The following CFAP299 variants were observed in gnomAD, a reference collection of about 807,000 sequenced individuals.
The protein encoded by CFAP299 is cilia and flagella associated protein 299.
CFAP299 carries 21 observed loss-of-function variants against 27.0 expected under a neutral mutation model. The observed-to-expected ratio is 0.78, with a 90% CI of 0.55 to 1.12. The LOEUF (loss-of-function observed/expected upper bound fraction) is 1.12. Ranked by LOEUF, CFAP299 falls within the 50% of genes most tolerant of loss-of-function variation. The pLI is 0.00. For missense variants in CFAP299, 310 were observed against 276.6 expected (o/e 1.12, Z -0.86); for synonymous variants, 104 against 98.1 (o/e 1.06, Z -0.36).
intron 3 of CFAP299, among the ~76,000 whole-genome samples, chr4:80,824,886 A>C (rs1249660080): frequency 6.6e-6 from 1 of 152,094 alleles, no homozygotes; most frequent in Non-Finnish European, 1.5e-5. Flanking sequence ...CAAAGAAACA[A>C]AGTATAGCCC....
chr4:80,603,202 G>A (rs951077401), intron 3 of CFAP299, among the ~76,000 whole-genome samples: 5 of 152,006 alleles, frequency 3.3e-5, no homozygotes, highest in Non-Finnish European at 7.4e-5. Context: ...AACTATGTTA[G>A]CATATTTTAC....
At chr4:80,921,692 T>G (rs192490448) in intron 4 of CFAP299, among the ~76,000 whole-genome samples, 1 of 152,108 alleles carries the variant, frequency 6.6e-6, no homozygotes, top group East Asian at 1.9e-4. Context: ...TCTGGTTAAA[T>G]CTGTGTGTGC....
chr4:80,646,176 A>G (rs1740001091), intron 3 of CFAP299, among the ~76,000 whole-genome samples: 1 of 152,136 alleles, frequency 6.6e-6, no homozygotes, highest in Non-Finnish European at 1.5e-5. Context: ...TCTTGCTCTG[A>G]GCTGGTGCAA....
rs140532981 is a variant in CFAP299, at chr4:80,348,508, A to G, written c.111+12629A>G. ...AAACACTTCTCAATAGTAGACATTC[A>G]TGCAGCCAACAAACATATAAAAAAA... On this transcript the variant is annotated intron_variant, in intron 1 of 5. Transcript: ENST00000358105. Among the ~76,000 whole-genome samples the G allele has an allele frequency of 3.1e-3, 478 of 152,354 alleles. 4 individuals are homozygous for G. The highest frequency in any genetic ancestry group is 0.011 in the African/African-American group (460 of 41,580).
rs1237522652 is a variant in CFAP299 at position 80,963,580 on chromosome 4, A to G, written c.670A>G (p.Ile224Val). Residue 224 changes from isoleucine to valine, a missense_variant, in exon 6 of 6, where the codon ATT (isoleucine) becomes GTT (valine). Physicochemically the swap from Ile to Val is conservative, Grantham distance 29. Coordinates refer to ENST00000358105, the MANE Select transcript of CFAP299 (RefSeq NM_152770.3). ...GACAGAACTCTACGTACAAGCTGTCATTTTTGACCACATTTCCAGAAGGAA... is the reference window on the plus strand; with the variant it reads ...GACAGAACTCTACGTACAAGCTGTCGTTTTTGACCACATTTCCAGAAGGAA... ...ILTELYVQAV[I>V]FDHISRRKT The G allele has an allele frequency of 6.2e-7, 1 of 1,607,216 alleles. No individual in the cohort carries two copies. The highest frequency in any genetic ancestry group is 1.1e-5 in the South Asian group (1 of 90,116).
chr4:80,628,955 A>G (rs149474169), intron 3 of CFAP299, among the ~76,000 whole-genome samples: 4 of 152,328 alleles, frequency 2.6e-5, no homozygotes, highest in East Asian at 1.9e-4. Context: ...TAATCCAGCA[A>G]TCCCACTACT....
intron 3 of CFAP299, among the ~76,000 whole-genome samples, chr4:80,748,485 G>A (rs13126970): frequency 0.37 from 56,754 of 151,894 alleles, 13,967 homozygotes; most frequent in African/African-American, 0.7. Flanking sequence ...TTTCCTAGAT[G>A]AACATCTATT....
intron 2 of CFAP299, among the ~76,000 whole-genome samples, chr4:80,487,494 G>A (rs900179236): frequency 6.6e-6 from 1 of 152,164 alleles, no homozygotes; most frequent in Non-Finnish European, 1.5e-5. Flanking sequence ...GAAAGGGATG[G>A]CTGCCCATTC....
intron 2 of CFAP299, among the ~76,000 whole-genome samples, chr4:80,479,990 GT>G (rs540198124): frequency 3.9e-5 from 6 of 151,916 alleles, no homozygotes; most frequent in Non-Finnish European, 7.4e-5. Context: ...TTGTATTCAA[GT>G]TTTTTTTAAA....
intron 3 of CFAP299, among the ~76,000 whole-genome samples, chr4:80,599,799 A>G (rs759431133): frequency 7.9e-5 from 12 of 152,124 alleles, no homozygotes; most frequent in Non-Finnish European, 1.3e-4. Context: ...GTAAGGGATC[A>G]TTTATTTTTG....
intron 3 of CFAP299, among the ~76,000 whole-genome samples, chr4:80,762,784 C>T (rs1368979153): frequency 1.3e-5 from 2 of 152,170 alleles, no homozygotes; most frequent in East Asian, 1.9e-4. Flanking sequence ...CACTATTTTC[C>T]CAGGGCAGCC....
chr4:80,936,302 G>A (rs1206735453), intron 4 of CFAP299, among the ~76,000 whole-genome samples: 1 of 151,860 alleles, frequency 6.6e-6, no homozygotes. Flanking sequence ...TATACCTAAA[G>A]GAATATAAAT....
intron 3 of CFAP299, among the ~76,000 whole-genome samples, chr4:80,754,975 A>G (rs910318260): frequency 2.0e-5 from 3 of 152,124 alleles, no homozygotes; most frequent in Admixed American, 6.6e-5. Context: ...CCTATGTGAG[A>G]ATAGATATTA....
At chr4:80,414,102 G>C (rs1345077394) in intron 2 of CFAP299, among the ~76,000 whole-genome samples, 1 of 126,482 alleles carries the variant, frequency 7.9e-6, no homozygotes, top group African/African-American at 3.1e-5. Context: ...ACGGAGTCTC[G>C]CTCTGTCGCC....
chr4:80,372,366 A>T (rs1724187901), intron 2 of CFAP299, among the ~76,000 whole-genome samples: 1 of 152,196 alleles, frequency 6.6e-6, no homozygotes. Flanking sequence ...GCAGATTCAA[A>T]CCATACGAAT....
In CFAP299 at chr4:80,363,456, G is replaced by C. The variant is rs182431190; in HGVS notation, c.242+572G>C. 6.2e-3 allele frequency among the ~76,000 whole-genome samples: 949 copies of C among 152,280 alleles called. 2 individuals carry two copies. Among genetic ancestry groups the C allele is most frequent in the Middle Eastern group, 0.024 (7 of 294 alleles). Reference sequence around the variant, plus strand: ...AGGCAATTTTATAAAGACCTAACTAGTTGACAAATTAATAACCTATTTCAT... The same window carrying C: ...AGGCAATTTTATAAAGACCTAACTACTTGACAAATTAATAACCTATTTCAT... On this transcript the variant is annotated intron_variant, in intron 2 of 5. Coordinates refer to ENST00000358105, the MANE Select transcript of CFAP299 (RefSeq NM_152770.3).
At chr4:80,464,800 A>T (rs1397433528) in intron 2 of CFAP299, among the ~76,000 whole-genome samples, 2 of 152,104 alleles carry the variant, frequency 1.3e-5, no homozygotes, top group Non-Finnish European at 2.9e-5. Flanking sequence ...GCTTTATATT[A>T]AAAAAGTATC....
At chr4:80,919,973 T>C (rs1735964133) in intron 4 of CFAP299, among the ~76,000 whole-genome samples, 1 of 152,128 alleles carries the variant, frequency 6.6e-6, no homozygotes, top group South Asian at 2.1e-4. Flanking sequence ...CTAAGAACTA[T>C]CTGACCTGTT....
chr4:80,595,302 A>G (rs546729213), intron 3 of CFAP299, among the ~76,000 whole-genome samples: 1 of 147,108 alleles, frequency 6.8e-6, no homozygotes, highest in South Asian at 2.1e-4. Context: ...CAAAGATAGC[A>G]CAGATATATT....
Sources: gnomAD v4.1 joint callset for allele counts (sites outside exome capture counted in the v4.1 genomes callset) on GRCh38, gnomAD v4.1.1 for gene constraint, MANE v1.5 for transcripts, NCBI Gene and HGNC (gene_info 2026-07-23, HGNC 2026-07-21) for gene names.